RANBP17: variants seen among roughly 807,000 people sequenced by gnomAD.
RANBP17 encodes the protein ran-binding protein 17.
Under a neutral mutation model 141.2 loss-of-function variants are expected in RANBP17, and 158 were observed. The observed-to-expected ratio is 1.12, with a 90% CI of 0.98 to 1.28. The LOEUF (loss-of-function observed/expected upper bound fraction) is 1.28, where lower values mean the gene tolerates loss of function less well. RANBP17 is among the 50% of genes most tolerant of loss of function. RANBP17 has a pLI of 0.00. For missense variants in RANBP17, 1,438 were observed against 1,290.7 expected (o/e 1.11, Z -1.75); for synonymous variants, 430 against 450.0 (o/e 0.96, Z 0.56).
At chr5:170,995,793 A>G (rs1268179290) in intron 14 of RANBP17, among the ~76,000 whole-genome samples, 1 of 152,166 alleles carries the variant, frequency 6.6e-6, no homozygotes, top group Non-Finnish European at 1.5e-5. Flanking sequence ...TTACATTTAA[A>G]AGGGAGGGGG....
chr5:171,278,224 A>G (rs1425925376), intron 25 of RANBP17, among the ~76,000 whole-genome samples: 1 of 152,052 alleles, frequency 6.6e-6, no homozygotes, highest in East Asian at 1.9e-4. Context: ...GTCTCTACAA[A>G]AAAAATTAAA....
At chr5:171,156,968 T>C (rs1337976219) in intron 14 of RANBP17, among the ~76,000 whole-genome samples, 3 of 152,192 alleles carry the variant, frequency 2.0e-5, no homozygotes, top group African/African-American at 7.2e-5. Context: ...TTGAACAGTA[T>C]TAAAACTTAG....
intron 5 of RANBP17, among the ~76,000 whole-genome samples, chr5:170,898,622 A>G (rs2127397480): frequency 6.6e-6 from 1 of 152,226 alleles, no homozygotes; most frequent in South Asian, 2.1e-4. Context: ...CCTTAGTGGT[A>G]CTGCCTAGGT....
intron 10 of RANBP17, 110 bp downstream of exon 10, chr5:170,918,969 G>T: frequency 3.3e-6 from 2 of 612,618 alleles, no homozygotes; most frequent in Non-Finnish European, 5.0e-6. Context: ...TTACTTTGCT[G>T]GAAATGTTCA....
intron 14 of RANBP17, among the ~76,000 whole-genome samples, chr5:171,166,515 A>G (rs149119546): frequency 0.022 from 3,285 of 152,060 alleles, 123 homozygotes; most frequent in African/African-American, 0.075. Flanking sequence ...TCTTGGTGTC[A>G]TAAAAATTAT....
At chr5:171,068,432 G>A (rs541014462) in intron 14 of RANBP17, among the ~76,000 whole-genome samples, 1 of 152,130 alleles carries the variant, frequency 6.6e-6, no homozygotes, top group South Asian at 2.1e-4. Flanking sequence ...TTTTCTTCCT[G>A]TGCATAGCTT....
At chr5:170,888,808 T>TAAAA (rs1769368106) in intron 3 of RANBP17, among the ~76,000 whole-genome samples, 3 of 152,154 alleles carry the variant, frequency 2.0e-5, no homozygotes, top group Admixed American at 6.5e-5. Flanking sequence ...TTTCTCACCA[T>TAAAA]TAAATATGAT....
intron 14 of RANBP17, among the ~76,000 whole-genome samples, chr5:171,061,745 C>A (rs1297064973): frequency 6.6e-6 from 1 of 152,124 alleles, no homozygotes; most frequent in Non-Finnish European, 1.5e-5. Context: ...ATTGATCTGT[C>A]TAATGTTGAC....
intron 5 of RANBP17, among the ~76,000 whole-genome samples, chr5:170,902,584 TGGA>T (rs1328995114): frequency 3.3e-5 from 5 of 152,236 alleles, no homozygotes; most frequent in Admixed American, 3.3e-4. Flanking sequence ...TGTGATCCTT[TGGA>T]GGAGAACAGG....
chr5:171,196,379 G>A (rs1325602187), intron 18 of RANBP17, among the ~76,000 whole-genome samples: 2 of 152,162 alleles, frequency 1.3e-5, no homozygotes, highest in East Asian at 1.9e-4. Flanking sequence ...AGAAAGAGAC[G>A]GAATCAGAAA....
At chr5:171,132,555 C>G (rs953217370) in intron 14 of RANBP17, among the ~76,000 whole-genome samples, 7 of 151,750 alleles carry the variant, frequency 4.6e-5, no homozygotes, top group African/African-American at 1.7e-4. Context: ...GACCCCATCT[C>G]TACAAAAAAT....
chr5:171,182,460 A>G (rs183873420), intron 16 of RANBP17, among the ~76,000 whole-genome samples: 1 of 152,228 alleles, frequency 6.6e-6, no homozygotes, highest in Non-Finnish European at 1.5e-5. Context: ...ACCAAACTAC[A>G]GTTCAAATCT....
At chr5:171,158,329 C>G (rs1165785141) in intron 14 of RANBP17, 1 of 183,762 alleles carries the variant, frequency 5.4e-6, no homozygotes, top group Admixed American at 6.2e-5. Flanking sequence ...TTTGTTTTCC[C>G]CTAGGCCTTG....
At chr5:170,954,437 C>T (rs1482977284) in intron 13 of RANBP17, among the ~76,000 whole-genome samples, 2 of 151,604 alleles carry the variant, frequency 1.3e-5, no homozygotes, top group East Asian at 1.9e-4. Flanking sequence ...TAATACCTAA[C>T]TTATTTTGGG....
intron 14 of RANBP17, among the ~76,000 whole-genome samples, chr5:171,158,042 T>C (rs1759028378): frequency 6.6e-6 from 1 of 152,210 alleles, no homozygotes; most frequent in South Asian, 2.1e-4. Flanking sequence ...CTTCCAGTAT[T>C]TCTGAAAAGC....
At chr5:170,899,791 T>C (rs1770468600) in intron 5 of RANBP17, among the ~76,000 whole-genome samples, 1 of 152,232 alleles carries the variant, frequency 6.6e-6, no homozygotes, top group African/African-American at 2.4e-5. Flanking sequence ...TTTTTGTCAT[T>C]GGTTCTGTTT....
chr5:171,123,576 ACTGGC>A (rs1450096156), intron 14 of RANBP17, among the ~76,000 whole-genome samples: 3 of 152,346 alleles, frequency 2.0e-5, no homozygotes, highest in Admixed American at 2.0e-4. Flanking sequence ...AGGCCCAAGG[ACTGGC>A]CTGTCAGTAC....
At chr5:170,985,838 T>G (rs1425590157) in intron 14 of RANBP17, among the ~76,000 whole-genome samples, 1 of 152,170 alleles carries the variant, frequency 6.6e-6, no homozygotes, top group African/African-American at 2.4e-5. Flanking sequence ...CAGTATGTGT[T>G]GTGGTAGCTG....
rs575420841 is a variant in RANBP17, at chr5:171,089,709, G to T, written c.1711-80421G>T. Among the ~76,000 whole-genome samples, 3 of 152,312 alleles carry T rather than the reference G, an allele frequency of 2.0e-5. No homozygotes were observed. In the East Asian group the frequency reaches 5.8e-4, roughly 30 times the overall value. On this transcript the variant is annotated intron_variant, in intron 14 of 27. Transcript: ENST00000523189. Reference sequence around the variant, plus strand: ...TGAAAAGCGCAATATTCGGGTGGGAGTGACCCGATTTTCCAGGTGCGTTCG... The same window carrying T: ...TGAAAAGCGCAATATTCGGGTGGGATTGACCCGATTTTCCAGGTGCGTTCG...
Sources: gnomAD v4.1 joint callset for allele counts (sites outside exome capture counted in the v4.1 genomes callset) on GRCh38, gnomAD v4.1.1 for gene constraint, MANE v1.5 for transcripts, NCBI Gene and HGNC (gene_info 2026-07-23, HGNC 2026-07-21) for gene names.